Variants in ATP10B observed in about 807,000 individuals in gnomAD.
ATP10B encodes the protein phospholipid-transporting ATPase VB.
A neutral mutation model predicts 141.2 loss-of-function variants in ATP10B; 122 were observed. That is an observed-to-expected ratio of 0.86 (90% CI 0.75 to 1.00). The LOEUF (loss-of-function observed/expected upper bound fraction) is 1.00. ATP10B is among the 50% of genes least tolerant of loss of function. The pLI is 0.00. For synonymous variants in ATP10B, 685 were observed against 692.0 expected, an observed-to-expected ratio of 0.99 and a Z score of 0.16; for missense variants, 1,876 against 1,825.3, an observed-to-expected ratio of 1.03 and a Z score of -0.51.
At chr5:160,629,277 G>A (rs1401212488) in intron 13 of ATP10B, among the ~76,000 whole-genome samples, 1 of 151,968 alleles carries the variant, frequency 6.6e-6, no homozygotes, top group Admixed American at 6.6e-5. Context: ...CTCTAGGGAC[G>A]GCTTCAAGGA....
At chr5:160,566,848 T>C (rs929519989) in intron 25 of ATP10B, among the ~76,000 whole-genome samples, 4 of 152,198 alleles carry the variant, frequency 2.6e-5, no homozygotes, top group African/African-American at 7.2e-5. Flanking sequence ...TTCCCAAAGA[T>C]AGTCTTTAAA....
rs144497343 is a variant in ATP10B at position 160,589,677 on chromosome 5, A to G, written c.3665T>C (p.Ile1222Thr). Residue 1222 changes from isoleucine to threonine, a missense_variant, in exon 24 of 26, where the codon ATA (isoleucine) becomes ACA (threonine). Transcript: ENST00000327245. ...TGGTGTCCCAAAGGTAAAGACATCT[A>G]TATCAGAGCCCTTATAGGCCTGCAG... ...IPYLAYKGSD[I>T]DVFTFGTPIN... 0.011 allele frequency: 17,440 copies of G among 1,613,798 alleles called. 152 individuals carry two copies. Among genetic ancestry groups the G allele is most frequent in the Middle Eastern group, 0.025 (153 of 6,062 alleles).
At chr5:160,654,381 A>G (rs1761330606) in intron 7 of ATP10B, among the ~76,000 whole-genome samples, 1 of 152,074 alleles carries the variant, frequency 6.6e-6, no homozygotes, top group African/African-American at 2.4e-5. Flanking sequence ...CTAACTGGAC[A>G]CTTCTTCTTG....
At chr5:160,587,744 GTATAGGAATGCT>G (rs1756002885) in intron 24 of ATP10B, among the ~76,000 whole-genome samples, 1 of 152,202 alleles carries the variant, frequency 6.6e-6, no homozygotes, top group African/African-American at 2.4e-5. Context: ...TATTGTTGGT[GTATAGGAATGCT>G]TATGATTTTT....
intron 2 of ATP10B, 64 bp from the exon 3 acceptor site, chr5:160,717,098 A>G (rs534102408): frequency 2.1e-6 from 2 of 956,282 alleles, no homozygotes; most frequent in South Asian, 4.8e-5. Context: ...TGCTATTTAT[A>G]TAAGGTTTAA....
chr5:160,669,385 G>T (rs1422476628), intron 7 of ATP10B, among the ~76,000 whole-genome samples: 1 of 152,222 alleles, frequency 6.6e-6, no homozygotes, highest in Admixed American at 6.5e-5. Flanking sequence ...GAACCAAGGT[G>T]TGAGAGGACG....
the ATP10B span, among the ~76,000 whole-genome samples, chr5:160,924,195 A>G: frequency 2.6e-5 from 4 of 152,228 alleles, no homozygotes; most frequent in African/African-American, 4.8e-5. Flanking sequence ...TGTGTTATCA[A>G]ACTACCTCTG....
chr5:160,692,091 G>A (rs1321566983), intron 3 of ATP10B, among the ~76,000 whole-genome samples: 2 of 152,204 alleles, frequency 1.3e-5, no homozygotes, highest in Admixed American at 1.3e-4. Context: ...CTTAAATGAA[G>A]AGATTGGATT....
intron 2 of ATP10B, among the ~76,000 whole-genome samples, chr5:160,737,627 T>TA (rs1245119339): frequency 6.6e-6 from 1 of 151,668 alleles, no homozygotes; most frequent in Non-Finnish European, 1.5e-5. Flanking sequence ...GAAAAAGAAA[T>TA]AAAAAATCCT....
At chr5:160,720,169 C>T (rs1765908106) in intron 2 of ATP10B, among the ~76,000 whole-genome samples, 2 of 152,146 alleles carry the variant, frequency 1.3e-5, no homozygotes, top group Admixed American at 1.3e-4. Flanking sequence ...CTTATTTCCC[C>T]TTGGTGTGAT....
Position 160,629,098 on chromosome 5 carries a change from G to C in ATP10B, c.1620+3031C>G, listed in dbSNP as rs78242288. ...GCAAATTTTGACTGAGTTCACTAAG[G>C]GAAGGTAAAGAACTGGTGATTCCAA... On this transcript the variant is annotated intron_variant, in intron 13 of 25. Coordinates refer to ENST00000327245, the MANE Select transcript of ATP10B (RefSeq NM_025153.3). Among the ~76,000 whole-genome samples, 15 of 152,172 alleles carry C rather than the reference G, an allele frequency of 9.9e-5. No individual in the cohort carries two copies. In the East Asian group the frequency reaches 2.7e-3, roughly 27 times the overall value.
chr5:160,821,746 C>T (rs1341767339), intron 1 of ATP10B, among the ~76,000 whole-genome samples: 1 of 151,902 alleles, frequency 6.6e-6, no homozygotes, highest in Non-Finnish European at 1.5e-5. Context: ...GTGCAAAGAA[C>T]ATACAGTGGG....
intron 6 of ATP10B, among the ~76,000 whole-genome samples, chr5:160,680,474 C>T (rs1404010014): frequency 1.3e-5 from 2 of 152,064 alleles, no homozygotes. Context: ...AGAATCAATC[C>T]ACTTCAGAGG....
chr5:160,902,657 T>C, the ATP10B span, among the ~76,000 whole-genome samples: 1 of 152,126 alleles, frequency 6.6e-6, no homozygotes, highest in Non-Finnish European at 1.5e-5. Context: ...AGAGAAAAGT[T>C]TGGGCATCTT....
At chr5:160,598,669 T>C (rs1756899626) in intron 22 of ATP10B, 101 bp downstream of exon 22, 1 of 1,075,906 alleles carries the variant, frequency 9.3e-7, no homozygotes, top group Admixed American at 2.0e-5. Context: ...AATGCAGGCT[T>C]CTGACCCCAG....
At chr5:160,879,794 C>T in the ATP10B span, among the ~76,000 whole-genome samples, 2 of 152,128 alleles carry the variant, frequency 1.3e-5, no homozygotes, top group Admixed American at 6.5e-5. Context: ...GCCGAGATGG[C>T]GCCACTGCAC....
rs1399597383 is a variant in ATP10B at position 160,612,925 on chromosome 5, C to T, written c.2654G>A (p.Gly885Glu). 6 of 1,609,462 alleles carry T rather than the reference C, an allele frequency of 3.7e-6. No homozygotes were observed. The highest frequency in any genetic ancestry group is 3.4e-6 in the Non-Finnish European group (4 of 1,178,064). ...QHLENQLTLL[G>E]ATGIEDRLQE... is the part of the protein sequence containing the mutation. ...CAGCCGGTCTTCGATCCCAGTGGCTCCTGGAGTGATGAAAAACAACAGAGT... is the reference window on the plus strand; with the variant it reads ...CAGCCGGTCTTCGATCCCAGTGGCTTCTGGAGTGATGAAAAACAACAGAGT... The change falls in exon 18 of 26, where the codon GGA (glycine) becomes GAA (glutamate). Residue 885 changes from glycine (G) to glutamate (E), a missense_variant and splice_region_variant. Gly to Glu is a moderately conservative substitution (Grantham distance 98). Transcript: ENST00000327245.
intron 15 of ATP10B, among the ~76,000 whole-genome samples, chr5:160,619,685 G>T (rs1267243929): frequency 6.6e-6 from 1 of 152,118 alleles, no homozygotes; most frequent in Non-Finnish European, 1.5e-5. Context: ...ATCAGGAAGC[G>T]GCTGCACACT....
chr5:160,791,107 G>A (rs932452552), intron 1 of ATP10B, among the ~76,000 whole-genome samples: 3 of 152,058 alleles, frequency 2.0e-5, no homozygotes, highest in South Asian at 2.1e-4. Context: ...CAACTGCCAA[G>A]GAACAAAATT....
Sources: allele counts gnomAD v4.1 joint callset (sites outside exome capture counted in the v4.1 genomes callset), GRCh38; gene constraint gnomAD v4.1.1; transcripts MANE v1.5; gene names NCBI Gene and HGNC (gene_info 2026-07-23, HGNC 2026-07-21).